Variants in MLLT6 observed in about 807,000 individuals in gnomAD.
The protein encoded by MLLT6 is MLLT6, PHD finger containing.
A neutral mutation model predicts 103.0 loss-of-function variants in MLLT6; 22 were observed. The ratio of observed to expected loss-of-function variants is 0.21; its 90% confidence interval spans 0.15 to 0.31. The LOEUF is 0.31. Ranked by LOEUF, MLLT6 falls within the 10% of genes least tolerant of loss-of-function variation. MLLT6 has a pLI of 1.00. For missense variants in MLLT6, 1,199 were observed against 1,441.7 expected (o/e 0.83, Z 2.73); for synonymous variants, 606 against 623.5 (o/e 0.97, Z 0.42).
rs892249115 is a variant in MLLT6, at chr17:38,705,423, G to T, written c.-210G>T. The T allele has an allele frequency of 2.4e-4, 95 of 393,628 alleles. No individual in the cohort carries two copies. Among genetic ancestry groups the T allele is most frequent in the African/African-American group, 4.1e-4 (19 of 46,318 alleles). 24.4% of individuals were successfully genotyped at this position (393,628 alleles called of 1,614,324 possible). On this transcript the variant is annotated 5_prime_UTR_variant, in exon 1 of 20. Transcript: ENST00000621332. ...GGGGCATGAGGGCGAGAGCACGGCG[G>T]GGGGGGCGGCCAGACAGAGCGAGCG...
At chr17:38,717,316 C>A in intron 10 of MLLT6, 116 bp from the exon 11 acceptor site, 1 of 842,096 alleles carries the variant, frequency 1.2e-6, no homozygotes, top group Non-Finnish European at 1.9e-6. Context: ...TAGACTGGGG[C>A]ATGTAGCCAG....
At chr17:38,722,634 T>TGGGGGGGGGGGGGGG in intron 17 of MLLT6, 44 bp from the exon 18 acceptor site, 1 of 532,160 alleles carries the variant, frequency 1.9e-6, no homozygotes, top group Non-Finnish European at 3.6e-6. Flanking sequence ...CCCTCCCCCA[T>TGGGGGGGGGGGGGGG]GGTCTGTGTG....
At position 38,728,187 on chromosome 17, in the gene MLLT6, C is replaced by A. The variant is rs1020992780; in HGVS notation, c.*2589C>A. The A allele has an allele frequency of 1.7e-5, 4 of 233,254 alleles. No homozygotes were observed. The highest frequency in any genetic ancestry group is 6.0e-5 in the East Asian group (1 of 16,604). The allele number at this position is 233,254 out of a possible 1,614,324, so 14.4% of individuals were successfully genotyped here. ...GCAGCCCTCTTCTCCTCTTCCCCCC[C>A]ACATCTCTCATGAGAGAGGTAGTGG... On this transcript the variant is annotated 3_prime_UTR_variant, in exon 20 of 20. Coordinates refer to ENST00000621332, the MANE Select transcript of MLLT6 (RefSeq NM_005937.4).
intron 13 of MLLT6, 61 bp downstream of exon 13, chr17:38,719,644 GGACGGAGA>G (rs1905571131): frequency 6.4e-7 from 1 of 1,569,490 alleles, no homozygotes; most frequent in Non-Finnish European, 8.7e-7. Flanking sequence ...GAGGGAGGAG[GGACGGAGA>G]GACCGGCGTG....
At position 38,728,032 on chromosome 17, in the gene MLLT6, C is replaced by G. The variant is rs1906127843; in HGVS notation, c.*2434C>G. The G allele has an allele frequency of 4.3e-6, 1 of 233,140 alleles. No homozygotes were observed. The highest frequency in any genetic ancestry group is 5.6e-5 in the Admixed American group (1 of 17,784). 14.4% of individuals were successfully genotyped at this position (233,140 alleles called of 1,614,324 possible). On this transcript the variant is annotated 3_prime_UTR_variant, in exon 20 of 20. Transcript: ENST00000621332. Reference sequence around the variant, plus strand: ...ACTTCTTCCCTCCCTCAGCCCAAACCAAAGGCTGGGGTTCTCATCTCCAAG... The same window carrying G: ...ACTTCTTCCCTCCCTCAGCCCAAACGAAAGGCTGGGGTTCTCATCTCCAAG...
chr17:38,722,569 C>T (rs1379822851), intron 17 of MLLT6, 109 bp from the exon 18 acceptor site: 2 of 703,758 alleles, frequency 2.8e-6, no homozygotes, highest in Non-Finnish European at 2.5e-6. Flanking sequence ...CCTTGCTTCC[C>T]CTGGGTCTGA....
At position 38,705,745 on chromosome 17, in the gene MLLT6, CG is replaced by C; in HGVS notation, c.109+9del. ...TGCAGCGTGGCCGTCCACCAAGGTA[CG>C]GGGGTGGCCCGCGGGGGGCGGCGGG... On this transcript the variant is annotated splice_donor_5th_base_variant and intron_variant, in intron 1 of 19. Coordinates refer to ENST00000621332, the MANE Select transcript of MLLT6 (RefSeq NM_005937.4). 10 of 1,365,424 alleles carry C rather than the reference CG, an allele frequency of 7.3e-6. No individual in the cohort carries two copies. Among genetic ancestry groups the C allele is most frequent in the Middle Eastern group, 5.0e-4 (2 of 3,972 alleles). 84.6% of individuals were successfully genotyped at this position (1,365,424 alleles called of 1,614,324 possible).
chr17:38,717,484 G>C lies in MLLT6; in HGVS notation c.1704G>C (p.Arg568=). ...TCTCCCACAGTGGCGGGATGCTGCG[G>C]GCTGTCTGCAGCACCCCTCTCTCCT... The part of the protein sequence containing the change: ...DPISHSGGML[R]AVCSTPLSSS... The change falls in exon 11 of 20, where the codon CGG becomes CGC. Residue 568 remains arginine, a synonymous_variant. Coordinates refer to ENST00000621332, the MANE Select transcript of MLLT6 (RefSeq NM_005937.4). 5.0e-6 allele frequency: 8 copies of C among 1,612,556 alleles called. No individual in the cohort carries two copies. The highest frequency in any genetic ancestry group is 6.8e-6 in the Non-Finnish European group (8 of 1,179,620).
At position 38,720,424 on chromosome 17, in the gene MLLT6, G is replaced by C. The variant is rs1303856167; in HGVS notation, c.2208G>C (p.Leu736=). The C allele has an allele frequency of 1.2e-6, 2 of 1,612,746 alleles. No individual in the cohort carries two copies. Among genetic ancestry groups the C allele is most frequent in the South Asian group, 2.2e-5 (2 of 91,076 alleles). Residue 736 remains leucine, a synonymous_variant, in exon 15 of 20, where the codon CTG becomes CTC. Transcript: ENST00000621332. ...LHALQKENQR[L]QEQILSLTAK... is the part of the protein sequence containing the mutation. The stretch of plus-strand genomic sequence containing the variant: ...CGCTGCAGAAGGAGAACCAGCGGCT[G>C]CAAGAGCAGATCCTGAGCCTGACGG...
In MLLT6 at chr17:38,719,597, C is replaced by T; in HGVS notation, c.2009+14C>T. The T allele has an allele frequency of 6.3e-7, 1 of 1,597,684 alleles. No individual in the cohort carries two copies. Among genetic ancestry groups the T allele is most frequent in the Non-Finnish European group, 8.5e-7 (1 of 1,171,160 alleles). ...TCTGTCTTCCATGTGAGGGAAGGGG[C>T]AGCCTGGAGGAGGGGCTGGGGGCAG... On this transcript the variant is annotated intron_variant, in intron 13 of 19. Transcript: ENST00000621332.
intron 8 of MLLT6, 73 bp from the exon 9 acceptor site, chr17:38,715,539 G>C: frequency 6.6e-7 from 1 of 1,504,454 alleles, no homozygotes; most frequent in African/African-American, 1.4e-5. Context: ...GTGCCCTCCT[G>C]CTTCACTCCC....
In MLLT6 at chr17:38,725,565, C is replaced by T. The variant is rs1205283386; in HGVS notation, c.3249C>T (p.Asp1083=). Residue 1083 remains aspartate, a synonymous_variant, in exon 20 of 20, where the codon GAC becomes GAT. Coordinates refer to ENST00000621332, the MANE Select transcript of MLLT6 (RefSeq NM_005937.4). Reference sequence around the variant, plus strand: ...CCTCCCTCTCTTTCCAGACCGCTGACAAAGGAGCCTCAGCCAACCAGGAAA... The same window carrying T: ...CCTCCCTCTCTTTCCAGACCGCTGATAAAGGAGCCTCAGCCAACCAGGAAA... The part of the protein sequence containing the change: ...SGGGPKGGTA[D]KGASANQEKG 10 of 1,604,144 alleles carry T rather than the reference C, an allele frequency of 6.2e-6. No individual in the cohort carries two copies. Among genetic ancestry groups the T allele is most frequent in the Non-Finnish European group, 8.5e-6 (10 of 1,176,020 alleles).
chr17:38,721,965 C>A lies in MLLT6; in HGVS notation c.2530C>A (p.Pro844Thr). The A allele has an allele frequency of 6.6e-7, 1 of 1,510,902 alleles. No individual in the cohort carries two copies. Among genetic ancestry groups the A allele is most frequent in the South Asian group, 1.2e-5 (1 of 82,810 alleles). The allele number at this position is 1,510,902 out of a possible 1,614,324, so 93.6% of individuals were successfully genotyped here. ...ACCGCTGCCCCTCCTCCAGCAGAGC[C>A]CTGCCACTCTGCCCCTGGCCCTGCC... ...PPPLPLLQQS[P>T]ATLPLALPGA... Residue 844 changes from proline to threonine, a missense_variant, in exon 17 of 20, where the codon CCT becomes ACT. Physicochemically the swap from Pro to Thr is conservative, Grantham distance 38. Transcript: ENST00000621332.
chr17:38,712,194 T>A (rs1242355035), intron 7 of MLLT6, 180 bp downstream of exon 7: 12 of 859,172 alleles, frequency 1.4e-5, no homozygotes, highest in African/African-American at 3.7e-5. Flanking sequence ...GGCGGGAGCT[T>A]GGCTTCCCTG....
chr17:38,723,299 A>G (rs1380536526), intron 18 of MLLT6, among the ~76,000 whole-genome samples: 3 of 152,198 alleles, frequency 2.0e-5, no homozygotes, highest in Non-Finnish European at 4.4e-5. Context: ...CAGGAGTTTG[A>G]GATCAGCCTG....
Position 38,709,337 on chromosome 17 carries a change from C to G in MLLT6, c.458+61C>G. On this transcript the variant is annotated intron_variant, in intron 5 of 19. Transcript: ENST00000621332. This position sits in a 1 kb window ranked among gnomAD's most constrained non-coding sequence, Gnocchi z 4.3. ...TTGTCCTGGATGGCCACTGATCAGG[C>G]TCATCCTAGCTGCTGTCCCTTTGAT... 1 of 1,442,780 alleles carries G rather than the reference C, an allele frequency of 6.9e-7. No homozygotes were observed. Among genetic ancestry groups the G allele is most frequent in the East Asian group, 2.3e-5 (1 of 44,116 alleles). The allele number at this position is 1,442,780 out of a possible 1,614,324, so 89.4% of individuals were successfully genotyped here.
rs1407382200 is a variant in MLLT6, at chr17:38,721,988, G to C, written c.2553G>C (p.Leu851=). ...GCCCTGCCACTCTGCCCCTGGCCCT[G>C]CCTGGGGCCCCTGCCCCACTCCCGC... ...QQSPATLPLA[L]PGAPAPLPPQ... is the part of the protein sequence containing the mutation. Residue 851 remains leucine, a synonymous_variant, in exon 17 of 20, where the codon CTG becomes CTC. Coordinates refer to ENST00000621332, the MANE Select transcript of MLLT6 (RefSeq NM_005937.4). 1 of 1,496,764 alleles carries C rather than the reference G, an allele frequency of 6.7e-7. No individual in the cohort carries two copies. Among genetic ancestry groups the C allele is most frequent in the East Asian group, 2.6e-5 (1 of 37,746 alleles). The allele number at this position is 1,496,764 out of a possible 1,614,324, so 92.7% of individuals were successfully genotyped here. A position where few individuals can be genotyped will look rare whatever the true frequency, so the allele number is the denominator to read the frequency against.
rs1452761099 is a variant in MLLT6 at position 38,705,322 on chromosome 17, G to A, written c.-311G>A. On this transcript the variant is annotated 5_prime_UTR_variant, in exon 1 of 20. Transcript: ENST00000621332. ...GCTCGGGCTACGCGGCGGCGGGGCGGCCCTAGGAGCCGGGCGAGCGGCGCG... is the reference window on the plus strand; with the variant it reads ...GCTCGGGCTACGCGGCGGCGGGGCGACCCTAGGAGCCGGGCGAGCGGCGCG... Among the ~76,000 whole-genome samples, 1 of 147,822 alleles carries A rather than the reference G, an allele frequency of 6.8e-6. No individual in the cohort carries two copies. The highest frequency in any genetic ancestry group is 1.5e-5 in the Non-Finnish European group (1 of 66,372).
chr17:38,721,288 A>C (rs1905720097), intron 16 of MLLT6: 1 of 168,084 alleles, frequency 5.9e-6, no homozygotes, highest in Admixed American at 5.5e-5. Context: ...TAATAATCAT[A>C]ATAATAACCA....
Sources: allele counts gnomAD v4.1 joint callset (sites outside exome capture counted in the v4.1 genomes callset), GRCh38; gene constraint gnomAD v4.1.1; non-coding constraint Gnocchi (gnomAD v3.1); transcripts MANE v1.5; gene names NCBI Gene and HGNC (gene_info 2026-07-23, HGNC 2026-07-21).